Variants in TXLNB observed in about 807,000 individuals in gnomAD.
The protein encoded by TXLNB is beta-taxilin.
In TXLNB, 37 loss-of-function variants were observed where a neutral mutation model predicts 57.4. The observed-to-expected ratio is 0.64, with a 90% CI of 0.50 to 0.85. The LOEUF (loss-of-function observed/expected upper bound fraction) is 0.85, where lower values mean the gene tolerates loss of function less well. TXLNB is among the 40% of genes least tolerant of loss of function. TXLNB has a pLI of 0.00. For missense variants in TXLNB, 848 were observed against 825.6 expected (o/e 1.03, Z -0.33); for synonymous variants, 302 against 309.6 (o/e 0.98, Z 0.26).
At chr6:139,202,183 T>C in the TXLNB span, among the ~76,000 whole-genome samples, 1 of 152,210 alleles carries the variant, frequency 6.6e-6, no homozygotes, top group Non-Finnish European at 1.5e-5. Flanking sequence ...GTATACGTGG[T>C]TGTACATTCT....
the TXLNB span, among the ~76,000 whole-genome samples, chr6:139,172,903 C>T: frequency 1.3e-5 from 2 of 152,178 alleles, no homozygotes; most frequent in East Asian, 1.9e-4. Flanking sequence ...GCCATACCCT[C>T]GGTTAACTCT....
chr6:139,238,926 C>T (rs1245764506), downstream of TXLNB, among the ~76,000 whole-genome samples: 1 of 152,190 alleles, frequency 6.6e-6, no homozygotes, highest in Non-Finnish European at 1.5e-5. Context: ...TGTCCTGAAA[C>T]CATCTGCCTC....
chr6:139,204,910 C>T, the TXLNB span, among the ~76,000 whole-genome samples: 3 of 152,102 alleles, frequency 2.0e-5, no homozygotes, highest in East Asian at 1.9e-4. Context: ...GAACATTATC[C>T]CGATGGCCTG....
At chr6:139,239,290 A>G (rs990708543), downstream of TXLNB, 1 of 152,136 alleles carries the variant, frequency 6.6e-6, no homozygotes, top group South Asian at 2.1e-4. The surrounding 1 kb of genome is among the most constrained non-coding windows in gnomAD (Gnocchi z 4.7). Flanking sequence ...GGCACCTTCT[A>G]CGCTTCCTCC....
chr6:139,287,643 A>T lies in TXLNB; in HGVS notation c.424+833T>A, dbSNP rs553871387. 2.6e-5 allele frequency among the ~76,000 whole-genome samples: 4 copies of T among 152,318 alleles called. No individual in the cohort carries two copies. In the East Asian group the frequency reaches 7.7e-4, roughly 29 times the overall value. ...GATGCTAACTCTACCTGGGCATGTC[A>T]GGGAAAGTATCACATAGGAGGGAGT... On this transcript the variant is annotated intron_variant, in intron 2 of 9. Transcript: ENST00000358430.
the TXLNB span, among the ~76,000 whole-genome samples, chr6:139,299,824 G>GA: frequency 0.018 from 2,675 of 148,044 alleles, 85 homozygotes; most frequent in African/African-American, 0.062. Flanking sequence ...GACATTTGAT[G>GA]AAAAAAAAAA....
Position 139,243,039 on chromosome 6 carries a change from C to T in TXLNB, c.1542G>A (p.Glu514=), listed in dbSNP as rs1346880144. ...ATAFMIIHHP[E]STPHQSKETQ... ...TTTCTTTGGACTGGTGCGGGGTTGA[C>T]TCTGGATGATGAATTATCATGAAGG... Residue 514 remains glutamate, a synonymous_variant, in exon 10 of 10, where the codon GAG becomes GAA. Coordinates refer to ENST00000358430, the MANE Select transcript of TXLNB (RefSeq NM_153235.4). 5.0e-6 allele frequency: 8 copies of T among 1,614,116 alleles called. No individual in the cohort carries two copies. The highest frequency in any genetic ancestry group is 2.2e-5 in the East Asian group (1 of 44,882).
intron 3 of TXLNB, among the ~76,000 whole-genome samples, chr6:139,272,727 C>A (rs1776796899): frequency 6.6e-6 from 1 of 152,140 alleles, no homozygotes; most frequent in African/African-American, 2.4e-5. Context: ...TGACTATTGT[C>A]CTTTCTTGAA....
At chr6:139,193,840 A>T in the TXLNB span, among the ~76,000 whole-genome samples, 4,313 of 85,186 alleles carry the variant, frequency 0.051, 225 homozygotes, top group East Asian at 0.23. Flanking sequence ...ATATATATAT[A>T]TTTTTTTTTT....
chr6:139,213,148 C>T, the TXLNB span, among the ~76,000 whole-genome samples: 9 of 152,208 alleles, frequency 5.9e-5, no homozygotes, highest in Non-Finnish European at 1.3e-4. Flanking sequence ...CTACAGAACT[C>T]TCCACCCCAA....
the TXLNB span, among the ~76,000 whole-genome samples, chr6:139,163,180 G>C: frequency 1.3e-5 from 2 of 152,294 alleles, no homozygotes; most frequent in South Asian, 4.1e-4. Flanking sequence ...GCAGTGCCTG[G>C]AGACATTGAG....
intron 7 of TXLNB, among the ~76,000 whole-genome samples, chr6:139,252,376 T>C (rs1270087990): frequency 1.3e-5 from 2 of 152,214 alleles, no homozygotes; most frequent in Non-Finnish European, 1.5e-5. Flanking sequence ...TTTAGAAATA[T>C]AATGTTGATA....
chr6:139,162,062 T>C, the TXLNB span, among the ~76,000 whole-genome samples: 2 of 152,142 alleles, frequency 1.3e-5, no homozygotes, highest in African/African-American at 2.4e-5. Flanking sequence ...AATGCGACTT[T>C]TTTCAGCACT....
At chr6:139,166,734 G>A in the TXLNB span, 6 of 1,612,870 alleles carry the variant, frequency 3.7e-6, no homozygotes, top group Non-Finnish European at 4.2e-6. Flanking sequence ...GACCTCCCCC[G>A]CCGGCATTCC....
chr6:139,305,983 A>G, the TXLNB span, among the ~76,000 whole-genome samples: 1 of 152,238 alleles, frequency 6.6e-6, no homozygotes, highest in African/African-American at 2.4e-5. Flanking sequence ...GTAGGAAACT[A>G]GAAGATCTAC....
At chr6:139,175,663 C>T in the TXLNB span, among the ~76,000 whole-genome samples, 7,127 of 152,218 alleles carry the variant, frequency 0.047, 175 homozygotes, top group African/African-American at 0.064. Flanking sequence ...ACAATGGAGG[C>T]CTACAAACTT....
chr6:139,160,998 C>G, the TXLNB span, among the ~76,000 whole-genome samples: 4 of 152,120 alleles, frequency 2.6e-5, no homozygotes, highest in Admixed American at 2.0e-4. Context: ...CACCTCTCTT[C>G]TGTTATTCCC....
the TXLNB span, among the ~76,000 whole-genome samples, chr6:139,169,276 A>G: frequency 2.0e-5 from 3 of 151,966 alleles, no homozygotes; most frequent in South Asian, 2.1e-4. Context: ...ATATATAATA[A>G]AGGATATATA....
chr6:139,210,095 A>G, the TXLNB span, among the ~76,000 whole-genome samples: 4 of 152,224 alleles, frequency 2.6e-5, no homozygotes, highest in Non-Finnish European at 5.9e-5. Flanking sequence ...ACAGCCAACA[A>G]ACATATGAAA....
Sources: gnomAD v4.1 joint callset for allele counts (sites outside exome capture counted in the v4.1 genomes callset) on GRCh38, gnomAD v4.1.1 for gene constraint, Gnocchi (gnomAD v3.1) non-coding constraint, MANE v1.5 for transcripts, NCBI Gene and HGNC (gene_info 2026-07-23, HGNC 2026-07-21) for gene names.